The following CAPZB variants were observed in gnomAD, a reference collection of about 807,000 sequenced individuals.
CAPZB encodes F-actin-capping protein subunit beta.
Under a neutral mutation model 38.1 loss-of-function variants are expected in CAPZB, and 2 were observed. The observed-to-expected ratio is 0.05, with a 90% confidence interval of 0.02 to 0.17. The LOEUF (loss-of-function observed/expected upper bound fraction) is 0.17, where lower values mean the gene tolerates loss of function less well. CAPZB is among the 10% of genes least tolerant of loss of function. The pLI, the probability that CAPZB is intolerant of heterozygous loss-of-function variation, is 1.00. For synonymous variants in CAPZB, 107 were observed against 127.4 expected (o/e 0.84, Z 1.08); for missense variants, 161 against 334.2 (o/e 0.48, Z 4.04).
chr1:19,446,852 C>T lies in CAPZB; in HGVS notation c.4-27102G>A, dbSNP rs2094497624. Among the ~76,000 whole-genome samples, 2 of 151,858 alleles carry T rather than the reference C, an allele frequency of 1.3e-5. 1 individual carries two copies. The highest frequency in any genetic ancestry group is 4.1e-4 in the South Asian group (2 of 4,820). On this transcript the variant is annotated intron_variant, in intron 1 of 8. Transcript: ENST00000264202. ...TTAGGTGGAAAGATTGATTTTTTCC[C>T]CTCCTTTCATATGTATTTAGTGAAC... is the stretch of plus-strand genomic sequence containing the variant.
intron 8 of CAPZB, 55 bp downstream of exon 8, chr1:19,344,303 C>T (rs1366779419): frequency 7.0e-7 from 1 of 1,434,036 alleles, no homozygotes; most frequent in South Asian, 1.1e-5. Context: ...ACTGGCAGAG[C>T]CAGGGTTCAA....
chr1:19,426,205 G>A (rs575532538), intron 1 of CAPZB, among the ~76,000 whole-genome samples: 13 of 152,302 alleles, frequency 8.5e-5, no homozygotes, highest in South Asian at 8.3e-4. Flanking sequence ...ACTTCTCCCC[G>A]CAGTTTTTTG....
intron 4 of CAPZB, among the ~76,000 whole-genome samples, chr1:19,371,395 T>G (rs899256980): frequency 2.6e-5 from 4 of 152,176 alleles, no homozygotes; most frequent in Admixed American, 2.0e-4. Flanking sequence ...CCCAGCAGCC[T>G]GGAAGGTGCT....
chr1:19,368,808 G>C (rs575092296), intron 4 of CAPZB, among the ~76,000 whole-genome samples: 1 of 152,006 alleles, frequency 6.6e-6, no homozygotes, highest in East Asian at 1.9e-4. Flanking sequence ...TGAGATTACA[G>C]GTGTGAGCCA....
intron 2 of CAPZB, among the ~76,000 whole-genome samples, chr1:19,403,139 A>G (rs2094312152): frequency 6.6e-6 from 1 of 152,230 alleles, no homozygotes; most frequent in Non-Finnish European, 1.5e-5. Context: ...TAAAGACACA[A>G]CTATTCTGTT....
chr1:19,349,618 C>T (rs139512730), intron 6 of CAPZB, among the ~76,000 whole-genome samples: 121 of 152,242 alleles, frequency 7.9e-4, no homozygotes, highest in African/African-American at 2.8e-3. Flanking sequence ...CAGGCGAAAC[C>T]CCTTGGCCAA....
At chr1:19,361,158 A>G (rs1446678073) in intron 4 of CAPZB, among the ~76,000 whole-genome samples, 1 of 152,204 alleles carries the variant, frequency 6.6e-6, no homozygotes, top group Non-Finnish European at 1.5e-5. Flanking sequence ...TCAGTCGGGT[A>G]GTATCCTAAT....
chr1:19,407,969 G>C (rs940436940), intron 2 of CAPZB, among the ~76,000 whole-genome samples: 1 of 152,128 alleles, frequency 6.6e-6, no homozygotes, highest in Non-Finnish European at 1.5e-5. Flanking sequence ...TCCATGACTC[G>C]CCTTTGGGTG....
At chr1:19,362,030 T>C (rs1205892768) in intron 4 of CAPZB, among the ~76,000 whole-genome samples, 1 of 152,166 alleles carries the variant, frequency 6.6e-6, no homozygotes, top group Non-Finnish European at 1.5e-5. Flanking sequence ...CCCTGGCCCC[T>C]GCCCATGCCT....
At chr1:19,407,495 C>G (rs1344350467) in intron 2 of CAPZB, among the ~76,000 whole-genome samples, 2 of 152,080 alleles carry the variant, frequency 1.3e-5, no homozygotes, top group African/African-American at 4.8e-5. Context: ...ACAAGAGATT[C>G]AGAGGAAAGA....
chr1:19,361,975 T>A (rs1411345515), intron 4 of CAPZB, among the ~76,000 whole-genome samples: 1 of 152,218 alleles, frequency 6.6e-6, no homozygotes, highest in Non-Finnish European at 1.5e-5. Flanking sequence ...TGATCAAATG[T>A]GGCCAAGCGC....
chr1:19,453,297 T>A (rs2094522703), intron 1 of CAPZB, among the ~76,000 whole-genome samples: 1 of 152,180 alleles, frequency 6.6e-6, no homozygotes. Flanking sequence ...GGTCTCACTT[T>A]GTCGCCTAGG....
intron 2 of CAPZB, among the ~76,000 whole-genome samples, chr1:19,396,290 T>C (rs1449916183): frequency 1.3e-5 from 2 of 152,172 alleles, no homozygotes; most frequent in East Asian, 3.9e-4. Flanking sequence ...GCCACTTGGG[T>C]CAGGTTCTGA....
At chr1:19,446,842 G>T (rs1044032813) in intron 1 of CAPZB, among the ~76,000 whole-genome samples, 1 of 152,098 alleles carries the variant, frequency 6.6e-6, no homozygotes, top group Non-Finnish European at 1.5e-5. Context: ...TGGAAAGATT[G>T]ATTTTTTCCC....
At chr1:19,484,256 G>A in intron 1 of CAPZB, 1 of 1,612,464 alleles carries the variant, frequency 6.2e-7, no homozygotes, top group Non-Finnish European at 8.5e-7. Flanking sequence ...GAGGGAAGGG[G>A]AGGCTGCGCC....
At chr1:19,437,951 C>T (rs1039509353) in intron 1 of CAPZB, among the ~76,000 whole-genome samples, 7 of 152,154 alleles carry the variant, frequency 4.6e-5, no homozygotes, top group African/African-American at 4.8e-5. Flanking sequence ...GAAATCAATT[C>T]GCTTTCCCCT....
chr1:19,412,942 T>G (rs1036915561), intron 2 of CAPZB, among the ~76,000 whole-genome samples: 2 of 152,206 alleles, frequency 1.3e-5, no homozygotes, highest in Non-Finnish European at 2.9e-5. Context: ...TTCCAGAAAT[T>G]AATTCCCCAT....
chr1:19,484,702 C>T lies in CAPZB; in HGVS notation c.3+734G>A, dbSNP rs2094644572. ...GTCGTGCACCAGGCAGGGGGCAGGA[C>T]CCTGATGAGAGGCTCAGGGCGGGGA... On this transcript the variant is annotated intron_variant, in intron 1 of 8. Transcript: ENST00000264202. 31 of 1,097,962 alleles carry T rather than the reference C, an allele frequency of 2.8e-5. No individual in the cohort carries two copies. The South Asian group carries it at 6.3e-4, about 22-fold the overall frequency. The allele number at this position is 1,097,962 out of a possible 1,614,324, so 68.0% of individuals were successfully genotyped here.
intron 1 of CAPZB, among the ~76,000 whole-genome samples, chr1:19,472,260 C>T (rs2094591303): frequency 6.6e-6 from 1 of 152,128 alleles, no homozygotes; most frequent in African/African-American, 2.4e-5. Flanking sequence ...ACATGGAGAC[C>T]CTACTCATCT....
Sources: allele counts gnomAD v4.1 joint callset (sites outside exome capture counted in the v4.1 genomes callset), GRCh38; gene constraint gnomAD v4.1.1; transcripts MANE v1.5; gene names NCBI Gene and HGNC (gene_info 2026-07-23, HGNC 2026-07-21).